Variants in IGFN1 observed in about 807,000 individuals in gnomAD.
IGFN1 encodes the protein immunoglobulin-like and fibronectin type III domain-containing protein 1.
IGFN1 carries 253 observed loss-of-function variants against 289.5 expected under a neutral mutation model. The observed-to-expected ratio is 0.87, with a 90% CI of 0.79 to 0.97. IGFN1 has a LOEUF of 0.97. Ranked by LOEUF, IGFN1 falls within the 50% of genes least tolerant of loss-of-function variation. The pLI is 0.00. For missense variants in IGFN1, 4,470 were observed against 4,686.1 expected (o/e 0.95, Z 1.35); for synonymous variants, 1,706 against 1,788.5 (o/e 0.95, Z 1.16).
intron 20 of IGFN1, among the ~76,000 whole-genome samples, chr1:201,223,570 C>T (rs1490537246): frequency 6.6e-6 from 1 of 152,042 alleles, no homozygotes; most frequent in Non-Finnish European, 1.5e-5. Context: ...GGGGTTTCGC[C>T]GTGTTGGCCA....
chr1:201,202,184 G>C (rs1355556650), intron 9 of IGFN1, among the ~76,000 whole-genome samples: 7 of 152,170 alleles, frequency 4.6e-5, no homozygotes, highest in Non-Finnish European at 8.8e-5. Context: ...CCCTACCTGG[G>C]CTCTAGGAGT....
At chr1:201,204,629 G>A (rs1206196887) in intron 10 of IGFN1, among the ~76,000 whole-genome samples, 1 of 152,220 alleles carries the variant, frequency 6.6e-6, no homozygotes, top group Non-Finnish European at 1.5e-5. Flanking sequence ...ATGGGTTTGG[G>A]AGTCAGCCAG....
Position 201,224,688 on chromosome 1 carries a change from A to C in IGFN1, c.10300A>C (p.Met3434Leu). The C allele has an allele frequency of 6.2e-7, 1 of 1,613,958 alleles. No homozygotes were observed. Among genetic ancestry groups the C allele is most frequent in the East Asian group, 2.2e-5 (1 of 44,884 alleles). ...RVPVSFEAMP[M>L]PEVTWLKDGL... Reference sequence around the variant, plus strand: ...TCCTCTCCTTTCTCAGGCCATGCCCATGCCTGAGGTGACCTGGCTGAAGGA... The same window carrying C: ...TCCTCTCCTTTCTCAGGCCATGCCCCTGCCTGAGGTGACCTGGCTGAAGGA... Residue 3434 changes from methionine to leucine, a missense_variant, in exon 21 of 24, where the codon ATG becomes CTG. Physicochemically the swap from Met to Leu is conservative, Grantham distance 15 (BLOSUM62 2). Coordinates refer to ENST00000335211, the MANE Select transcript of IGFN1 (RefSeq NM_001164586.2).
intron 16 of IGFN1, 24 bp from the exon 17 acceptor site, chr1:201,217,263 G>A (rs772364614): frequency 6.2e-7 from 1 of 1,608,910 alleles, no homozygotes; most frequent in Non-Finnish European, 8.5e-7. Flanking sequence ...GCCTCTGGCT[G>A]ACTGGAATCT....
intron 16 of IGFN1, 49 bp downstream of exon 16, chr1:201,216,802 C>G: frequency 6.7e-7 from 1 of 1,489,064 alleles, no homozygotes; most frequent in East Asian, 2.3e-5. Context: ...CTGGGCTCCC[C>G]ACTGTGCCGA....
At position 201,215,161 on chromosome 1, in the gene IGFN1, C is replaced by T; in HGVS notation, c.8995+7C>T. The T allele has an allele frequency of 6.2e-7, 1 of 1,610,744 alleles. No individual in the cohort carries two copies. On this transcript the variant is annotated splice_region_variant and intron_variant, in intron 14 of 23. Coordinates refer to ENST00000335211, the MANE Select transcript of IGFN1 (RefSeq NM_001164586.2). ...GCCACCCTGACCGTCCAGGGTAAGG[C>T]CCAGCCCTGCCCTGCCCTGCCCTGT...
rs1653974877 is a variant in IGFN1, at chr1:201,224,829, C to T, written c.10441C>T (p.Leu3481=). 1 of 1,614,022 alleles carries T rather than the reference C, an allele frequency of 6.2e-7. No homozygotes were observed. Among genetic ancestry groups the T allele is most frequent in the Non-Finnish European group, 8.5e-7 (1 of 1,179,946 alleles). Residue 3481 remains leucine, a synonymous_variant, in exon 21 of 24, where the codon CTG becomes TTG. Coordinates refer to ENST00000335211, the MANE Select transcript of IGFN1 (RefSeq NM_001164586.2). ...TCTCTACACTGTGGTGCTGAGGACC[C>T]TGCAGGGGAAGGAGGTTGCCCACAG... ...SGLYTVVLRT[L]QGKEVAHSFR...
At position 201,215,705 on chromosome 1, in the gene IGFN1, C is replaced by T. The variant is rs144899092; in HGVS notation, c.9162C>T (p.Ala3054=). The change falls in exon 15 of 24, where the codon GCC becomes GCT. Residue 3054 remains alanine (A), a synonymous_variant. Transcript: ENST00000335211. ...TGGTGGGCAGCAGTGACAGGGAGGC[C>T]CAGGTGGACCTGGGGGATGGCTACA... ...AEVVGSSDRE[A]QVDLGDGYTR... 6.2e-7 allele frequency: 1 copy of T among 1,613,352 alleles called. No homozygotes were observed. Among genetic ancestry groups the T allele is most frequent in the African/African-American group, 1.3e-5 (1 of 75,010 alleles).
chr1:201,226,041 C>A lies in IGFN1; in HGVS notation c.10704C>A (p.His3568Gln), dbSNP rs772905720. The A allele has an allele frequency of 1.3e-5, 20 of 1,597,418 alleles. No individual in the cohort carries two copies. Among genetic ancestry groups the A allele is most frequent in the Non-Finnish European group, 1.7e-5 (20 of 1,170,096 alleles). The change falls in exon 22 of 24, where the codon CAC (histidine) becomes CAA (glutamine). Residue 3568 changes from histidine (H) to glutamine (Q), a missense_variant. By Grantham distance (24) the His-to-Gln change is conservative (BLOSUM62 0). Coordinates refer to ENST00000335211, the MANE Select transcript of IGFN1 (RefSeq NM_001164586.2). ...GCATCCTCCCCGGCCACGAATACCA[C>A]TTCAGGGTGGTGGCCAAGAATGAGC... The part of the protein sequence containing the change: ...LLGILPGHEY[H>Q]FRVVAKNELG...
In IGFN1 at chr1:201,206,795, C is replaced by A; in HGVS notation, c.1902C>A (p.Ser634Arg). ...GKQIEISQDD[S>R]LAEMDRGDAP... Reference sequence around the variant, plus strand: ...AGATAGAGATTTCACAGGATGACAGCCTGGCTGAGATGGACAGAGGGGATG... The same window carrying A: ...AGATAGAGATTTCACAGGATGACAGACTGGCTGAGATGGACAGAGGGGATG... Residue 634 changes from serine to arginine, a missense_variant, in exon 12 of 24, where the codon AGC becomes AGA. Transcript: ENST00000335211. 1 of 1,536,830 alleles carries A rather than the reference C, an allele frequency of 6.5e-7. No individual in the cohort carries two copies. Among genetic ancestry groups the A allele is most frequent in the Non-Finnish European group, 8.7e-7 (1 of 1,146,894 alleles).
chr1:201,226,607 T>C (rs1324806367), intron 22 of IGFN1, among the ~76,000 whole-genome samples: 2 of 152,168 alleles, frequency 1.3e-5, no homozygotes, highest in African/African-American at 4.8e-5. Flanking sequence ...GGTAGTGAGA[T>C]TATGATTTGG....
At chr1:201,197,641 C>T (rs1666976536) in intron 5 of IGFN1, among the ~76,000 whole-genome samples, 1 of 152,232 alleles carries the variant, frequency 6.6e-6, no homozygotes, top group Non-Finnish European at 1.5e-5. Context: ...CTCTCTGGGT[C>T]TCAGTTTCTC....
chr1:201,207,011 G>A lies in IGFN1; in HGVS notation c.2118G>A (p.Gly706=), dbSNP rs528824745. ...AGGGAGGTAGAGATGCTGACTATGG[G>A]GAAGCCAGGGGCTACTGGGGGTCAG... ...GSQGGRDADY[G]EARGYWGSGE... is the part of the protein sequence containing the mutation. The change falls in exon 12 of 24, where the codon GGG becomes GGA. Residue 706 remains glycine (G), a synonymous_variant. Coordinates refer to ENST00000335211, the MANE Select transcript of IGFN1 (RefSeq NM_001164586.2). 2.0e-6 allele frequency: 3 copies of A among 1,536,644 alleles called. No homozygotes were observed. The highest frequency in any genetic ancestry group is 3.9e-5 in the Admixed American group (2 of 50,976).
Position 201,199,672 on chromosome 1 carries a change from C to T in IGFN1, c.458+18C>T. ...AAAAAGAGGTGGGTTTGGGCCTGTC[C>T]ATGAGGGATTTTGGAGGCTCCCATA... On this transcript the variant is annotated intron_variant, in intron 7 of 23. Coordinates refer to ENST00000335211, the MANE Select transcript of IGFN1 (RefSeq NM_001164586.2). 1 of 1,550,290 alleles carries T rather than the reference C, an allele frequency of 6.5e-7. No homozygotes were observed. The highest frequency in any genetic ancestry group is 8.7e-7 in the Non-Finnish European group (1 of 1,146,040).
intron 8 of IGFN1, among the ~76,000 whole-genome samples, chr1:201,200,828 C>CTTT (rs200585317): frequency 2.6e-5 from 3 of 114,424 alleles, no homozygotes; most frequent in Non-Finnish European, 3.7e-5. Flanking sequence ...TGGTTTATTT[C>CTTT]TTTCTTTTTT....
At chr1:201,205,487 C>T (rs977871627) in intron 11 of IGFN1, 133 bp downstream of exon 11, 3 of 1,032,826 alleles carry the variant, frequency 2.9e-6, no homozygotes, top group Non-Finnish European at 2.7e-6. Context: ...TTATTCTCCA[C>T]CCACTGCAGT....
chr1:201,212,640 G>A lies in IGFN1; in HGVS notation c.7747G>A (p.Gly2583Arg). ...ASQGGGDSLL[G>R]GRRVGSGSSV... ...TCAGGGAGGTGGGGACTCACTTTTG[G>A]GAGGCAGAAGGGTAGGCTCAGGGAG... The change falls in exon 12 of 24, where the codon GGA becomes AGA. Residue 2583 changes from glycine (G) to arginine (R), a missense_variant. Coordinates refer to ENST00000335211, the MANE Select transcript of IGFN1 (RefSeq NM_001164586.2). 6.5e-7 allele frequency: 1 copy of A among 1,541,084 alleles called. No homozygotes were observed.
chr1:201,216,043 G>T (rs1024320729), intron 15 of IGFN1: 24 of 722,328 alleles, frequency 3.3e-5, no homozygotes, highest in Middle Eastern at 4.6e-4. Context: ...GGCTCCTGCT[G>T]GGGGGGAGGA....
Position 201,200,427 on chromosome 1 carries a change from C to A in IGFN1, c.633+16C>A, listed in dbSNP as rs748983549. The stretch of plus-strand genomic sequence containing the variant: ...GATGGCACAGGTGCCTCACCCCATT[C>A]CCACCCCTCACTCCATGCCCACCCC... On this transcript the variant is annotated intron_variant, in intron 8 of 23. Coordinates refer to ENST00000335211, the MANE Select transcript of IGFN1 (RefSeq NM_001164586.2). The A allele has an allele frequency of 2.8e-5, 43 of 1,544,404 alleles. 1 individual carries two copies. The South Asian group carries it at 4.4e-4, about 16-fold the overall frequency.
Sources: allele counts gnomAD v4.1 joint callset (sites outside exome capture counted in the v4.1 genomes callset), GRCh38; gene constraint gnomAD v4.1.1; transcripts MANE v1.5; gene names NCBI Gene and HGNC (gene_info 2026-07-23, HGNC 2026-07-21).